Variants in COBL observed in about 807,000 individuals in gnomAD.
COBL encodes protein cordon-bleu.
A neutral mutation model predicts 98.8 loss-of-function variants in COBL; 51 were observed. The ratio of observed to expected loss-of-function variants is 0.52; its 90% CI spans 0.41 to 0.65. The LOEUF (loss-of-function observed/expected upper bound fraction) is 0.65. Ranked by LOEUF, COBL falls within the 30% of genes least tolerant of loss-of-function variation. The pLI is 0.00. For missense variants in COBL, 1,617 were observed against 1,617.5 expected (o/e 1.00, Z 0.01); for synonymous variants, 634 against 651.7 (o/e 0.97, Z 0.41).
At chr7:51,165,461 T>C (rs1172548599) in intron 5 of COBL, among the ~76,000 whole-genome samples, 1 of 151,996 alleles carries the variant, frequency 6.6e-6, no homozygotes, top group Non-Finnish European at 1.5e-5. Context: ...CATCCAGATA[T>C]ATAAAGCAAA....
intron 12 of COBL, among the ~76,000 whole-genome samples, chr7:51,019,538 G>C (rs1225947188): frequency 6.6e-6 from 1 of 152,210 alleles, no homozygotes; most frequent in Admixed American, 6.5e-5. Context: ...GAATGAGCTG[G>C]TCAAATGTGG....
chr7:51,207,408 CTCTCCCTCTCCCTCGCACTTGCCCCATGG>C (rs1791842631), intron 2 of COBL, among the ~76,000 whole-genome samples: 2 of 152,052 alleles, frequency 1.3e-5, no homozygotes. Flanking sequence ...TGCAGTCTCC[CTCTCCCTCTCCCTCGCACTTGCCCCATGG>C]TCTCCCTCTC....
At chr7:51,309,890 C>T (rs1055581365) in intron 1 of COBL, among the ~76,000 whole-genome samples, 3 of 152,110 alleles carry the variant, frequency 2.0e-5, no homozygotes, top group Non-Finnish European at 2.9e-5. Context: ...CAGGGGAGGG[C>T]GTGGGGTGTG....
At position 51,193,381 on chromosome 7, in the gene COBL, C is replaced by T. The variant is rs776723037; in HGVS notation, c.454G>A (p.Glu152Lys). The part of the protein sequence containing the change: ...KVKPGPPKVP[E>K]KSVRLVVNYL... The stretch of plus-strand genomic sequence containing the variant: ...TTTCCATGTAGGTACCTACTAACCT[C>T]AGGCACCTTAGGGGGACCAGGCTTA... Residue 152 changes from glutamate (E) to lysine (K), a missense_variant and splice_region_variant, in exon 3 of 13, where the codon GAG becomes AAG. Coordinates refer to ENST00000265136, the MANE Select transcript of COBL (RefSeq NM_015198.5). 6.2e-7 allele frequency: 1 copy of T among 1,613,836 alleles called. No homozygotes were observed. The highest frequency in any genetic ancestry group is 1.1e-5 in the South Asian group (1 of 91,070).
At chr7:51,156,233 C>T in intron 5 of COBL, 1 of 984,488 alleles carries the variant, frequency 1.0e-6, no homozygotes, top group Non-Finnish European at 1.2e-6. Context: ...GCCAAGAAGG[C>T]AAATTAATTC....
chr7:51,285,404 T>C (rs1432263956), intron 1 of COBL, among the ~76,000 whole-genome samples: 2 of 150,326 alleles, frequency 1.3e-5, no homozygotes, highest in Non-Finnish European at 3.0e-5. Context: ...GCAAAAATCC[T>C]CACAGAATTG....
At chr7:51,250,027 G>A (rs577977429) in intron 1 of COBL, among the ~76,000 whole-genome samples, 3 of 152,146 alleles carry the variant, frequency 2.0e-5, no homozygotes, top group South Asian at 2.1e-4. Flanking sequence ...ACTAGAACCC[G>A]GGAGGTGGAG....
chr7:51,148,546 C>T (rs1410872937), intron 5 of COBL, among the ~76,000 whole-genome samples: 4 of 152,194 alleles, frequency 2.6e-5, no homozygotes, highest in Admixed American at 2.6e-4. Context: ...AAGGTCTTGT[C>T]CTGGCCCCTC....
chr7:51,115,436 T>C (rs1004740638), intron 6 of COBL, among the ~76,000 whole-genome samples: 1 of 152,140 alleles, frequency 6.6e-6, no homozygotes, highest in African/African-American at 2.4e-5. Context: ...AGGACTGCTG[T>C]AGCTAGATCC....
At chr7:51,096,558 T>C (rs1267142659) in intron 6 of COBL, among the ~76,000 whole-genome samples, 1 of 152,042 alleles carries the variant, frequency 6.6e-6, no homozygotes, top group Non-Finnish European at 1.5e-5. Context: ...GTTAAAATAT[T>C]AACAGAATTT....
At chr7:51,245,007 T>C (rs2129128775) in intron 1 of COBL, among the ~76,000 whole-genome samples, 1 of 152,260 alleles carries the variant, frequency 6.6e-6, no homozygotes, top group Middle Eastern at 3.4e-3. Flanking sequence ...TCCTTCCTCT[T>C]TCCACACCTC....
chr7:51,153,767 A>T (rs1768491864), intron 5 of COBL, among the ~76,000 whole-genome samples: 1 of 152,230 alleles, frequency 6.6e-6, no homozygotes, highest in South Asian at 2.1e-4. Flanking sequence ...ACGTCAGGAC[A>T]GCCAGCTGAG....
chr7:51,233,963 A>C (rs1795001298), intron 1 of COBL, among the ~76,000 whole-genome samples: 2 of 152,218 alleles, frequency 1.3e-5, no homozygotes, highest in Non-Finnish European at 2.9e-5. Flanking sequence ...TAGAAGTTTC[A>C]CTGCTTAAAA....
chr7:51,067,177 C>T (rs973190662), intron 7 of COBL, among the ~76,000 whole-genome samples: 3 of 152,200 alleles, frequency 2.0e-5, no homozygotes, highest in African/African-American at 4.8e-5. Flanking sequence ...ACATACTGTC[C>T]TTGGCCTCAT....
rs1800301653 is a variant in COBL, at chr7:51,285,788, A to G, written c.41+30805T>C. Among the ~76,000 whole-genome samples the G allele has an allele frequency of 2.0e-5, 3 of 152,228 alleles. No individual in the cohort carries two copies. The South Asian group carries it at 6.2e-4, about 31-fold the overall frequency. Reference sequence around the variant, plus strand: ...GCAAAGAAATGAGAAGAGCCAAACTAATTTTGAAAAATAAGAATGTTGGAG... The same window carrying G: ...GCAAAGAAATGAGAAGAGCCAAACTGATTTTGAAAAATAAGAATGTTGGAG... On this transcript the variant is annotated intron_variant, in intron 1 of 12. Coordinates refer to ENST00000265136, the MANE Select transcript of COBL (RefSeq NM_015198.5).
chr7:51,299,020 C>T (rs1801667221), intron 1 of COBL, among the ~76,000 whole-genome samples: 2 of 152,242 alleles, frequency 1.3e-5, no homozygotes, highest in Admixed American at 1.3e-4. Context: ...GAACAGCTTT[C>T]CTCACCCATG....
At chr7:51,299,081 A>G (rs1177937183) in intron 1 of COBL, among the ~76,000 whole-genome samples, 1 of 152,208 alleles carries the variant, frequency 6.6e-6, no homozygotes, top group Admixed American at 6.5e-5. Context: ...TGGGCACCTC[A>G]TATCTTTCTG....
chr7:51,165,816 T>C (rs543840794), intron 5 of COBL, among the ~76,000 whole-genome samples: 8 of 152,076 alleles, frequency 5.3e-5, no homozygotes, highest in African/African-American at 9.6e-5. Context: ...AAGAGGAATT[T>C]TGGAAACTAT....
intron 1 of COBL, among the ~76,000 whole-genome samples, chr7:51,253,439 G>T (rs1196734020): frequency 6.6e-6 from 1 of 152,108 alleles, no homozygotes; most frequent in Non-Finnish European, 1.5e-5. Context: ...TCTAGCACAA[G>T]ATACCCCAGG....
Sources: allele counts gnomAD v4.1 joint callset (sites outside exome capture counted in the v4.1 genomes callset), GRCh38; gene constraint gnomAD v4.1.1; transcripts MANE v1.5; gene names NCBI Gene and HGNC (gene_info 2026-07-23, HGNC 2026-07-21).